Variants in PTGIR observed in about 807,000 individuals in gnomAD.
The protein encoded by PTGIR is prostaglandin I2 receptor, also known as prostacyclin receptor.
A neutral mutation model predicts 17.6 loss-of-function variants in PTGIR; 16 were observed. That is an observed-to-expected ratio of 0.91 (90% CI 0.61 to 1.38). PTGIR has a LOEUF of 1.38. Among genes scored for constraint, PTGIR ranks in the 40% most tolerant of loss-of-function variants. The pLI, the probability that PTGIR is intolerant of heterozygous loss-of-function variation, is 0.00. For synonymous variants in PTGIR, 274 were observed against 255.4 expected (o/e 1.07, Z -0.69); for missense variants, 532 against 548.6 (o/e 0.97, Z 0.30).
At chr19:46,619,527 A>G (rs181822053), downstream of PTGIR, among the ~76,000 whole-genome samples, 175 of 55,408 alleles carry the variant, frequency 3.2e-3, 1 homozygote, top group South Asian at 5.7e-3. Flanking sequence ...GAAAGAAAGA[A>G]AGAAAGAAAG....
downstream of PTGIR, among the ~76,000 whole-genome samples, chr19:46,619,655 AAAGAAAGAAAGAAAGAAAG>A (rs1404073537): frequency 1.5e-3 from 91 of 62,468 alleles, 1 homozygote; most frequent in African/African-American, 5.9e-3. Context: ...GAAAGAAAGA[AAAGAAAGAAAGAAAGAAAG>A]AGGATTTATA....
intron 2 of PTGIR, chr19:46,622,065 G>T: frequency 1.0e-6 from 1 of 985,460 alleles, no homozygotes; most frequent in African/African-American, 1.7e-5. Flanking sequence ...CTCTGAGTCA[G>T]AGTAACCCCC....
At position 46,620,698 on chromosome 19, in the gene PTGIR, C is replaced by G; in HGVS notation, c.*582G>C. ...ACCAAGCACATGTCCTACGTCATCA[C>G]CCACAATGCAGCAGCCTCCCCTTCC... On this transcript the variant is annotated 3_prime_UTR_variant, in exon 3 of 3. Transcript: ENST00000291294. 1.0e-6 allele frequency: 1 copy of G among 985,954 alleles called. No individual in the cohort carries two copies. The highest frequency in any genetic ancestry group is 1.7e-5 in the African/African-American group (1 of 57,354). The allele number at this position is 985,954 out of a possible 1,614,324, so 61.1% of individuals were successfully genotyped here. A position where few individuals can be genotyped will look rare whatever the true frequency, so the allele number is the denominator to read the frequency against.
downstream of PTGIR, among the ~76,000 whole-genome samples, chr19:46,619,794 A>G (rs1972033227): frequency 6.6e-6 from 1 of 152,054 alleles, no homozygotes; most frequent in African/African-American, 2.4e-5. Flanking sequence ...CCTCTCCCCA[A>G]GTGTGGATTT....
At chr19:46,618,145 G>A (rs1341857212), downstream of PTGIR, among the ~76,000 whole-genome samples, 2 of 151,216 alleles carry the variant, frequency 1.3e-5, no homozygotes, top group African/African-American at 4.9e-5. Flanking sequence ...CTCCCGAGTA[G>A]CTGGGACTAC....
At chr19:46,614,980 C>A in the PTGIR span, among the ~76,000 whole-genome samples, 1 of 152,130 alleles carries the variant, frequency 6.6e-6, no homozygotes, top group South Asian at 2.1e-4. Flanking sequence ...TGAGATAGAG[C>A]CACTGCACTC....
downstream of PTGIR, among the ~76,000 whole-genome samples, chr19:46,618,857 T>C (rs183674216): frequency 2.4e-3 from 359 of 152,292 alleles, 2 homozygotes; most frequent in African/African-American, 8.2e-3. Context: ...TGAAACGTGG[T>C]TACCTGGGCA....
chr19:46,611,259 C>T, the PTGIR span, among the ~76,000 whole-genome samples: 1 of 152,174 alleles, frequency 6.6e-6, no homozygotes, highest in African/African-American at 2.4e-5. Context: ...GGAAATCCAG[C>T]GAGACTGGGT....
the PTGIR span, among the ~76,000 whole-genome samples, chr19:46,612,469 C>A: frequency 6.6e-6 from 1 of 152,168 alleles, no homozygotes; most frequent in African/African-American, 2.4e-5. Context: ...TTAAAGCAAC[C>A]ATTTGGGCTG....
chr19:46,617,764 A>C (rs1210372604), downstream of PTGIR, among the ~76,000 whole-genome samples: 1 of 151,372 alleles, frequency 6.6e-6, no homozygotes, highest in Non-Finnish European at 1.5e-5. Context: ...GGGTTGGCCA[A>C]GGTTTGGCCA....
At chr19:46,616,903 C>A (rs1176117161), downstream of PTGIR, among the ~76,000 whole-genome samples, 1 of 152,258 alleles carries the variant, frequency 6.6e-6, no homozygotes, top group Non-Finnish European at 1.5e-5. Flanking sequence ...AGCAGACACA[C>A]GTCCTTGCCA....
At chr19:46,613,205 G>A in the PTGIR span, among the ~76,000 whole-genome samples, 29 of 149,354 alleles carry the variant, frequency 1.9e-4, no homozygotes, top group South Asian at 1.5e-3. Flanking sequence ...CACCATGCCC[G>A]GCTAATTTTT....
chr19:46,619,599 AGAAAG>A (rs763236140), downstream of PTGIR, among the ~76,000 whole-genome samples: 57 of 116,064 alleles, frequency 4.9e-4, no homozygotes, highest in East Asian at 4.4e-3. Context: ...AAGAAAAGAA[AGAAAG>A]GAAAGAAAGA....
At chr19:46,611,161 G>C in the PTGIR span, among the ~76,000 whole-genome samples, 1 of 150,998 alleles carries the variant, frequency 6.6e-6, no homozygotes, top group Non-Finnish European at 1.5e-5. Context: ...TAGCCGGGTA[G>C]GGGAAGGACG....
At chr19:46,616,587 C>T (rs1279024669), downstream of PTGIR, among the ~76,000 whole-genome samples, 3 of 152,100 alleles carry the variant, frequency 2.0e-5, no homozygotes, top group African/African-American at 7.2e-5. Context: ...CTGCATCAGC[C>T]TCCCAAAGTG....
chr19:46,616,515 G>A (rs920081443), downstream of PTGIR, among the ~76,000 whole-genome samples: 13 of 151,678 alleles, frequency 8.6e-5, no homozygotes, highest in African/African-American at 3.2e-4. Context: ...TGTATTTTTA[G>A]TAGAGATGGG....
At chr19:46,619,607 A>AAG (rs1374395338), downstream of PTGIR, among the ~76,000 whole-genome samples, 2 of 107,092 alleles carry the variant, frequency 1.9e-5, no homozygotes, top group Non-Finnish European at 4.0e-5. Flanking sequence ...AAAGAAAGGA[A>AAG]AGAAAGAAAG....
At chr19:46,618,013 A>T (rs1971986844), downstream of PTGIR, among the ~76,000 whole-genome samples, 1 of 123,692 alleles carries the variant, frequency 8.1e-6, no homozygotes, top group African/African-American at 3.4e-5. Flanking sequence ...TAATTTTTGT[A>T]ATTTTTTTTT....
At chr19:46,624,527 T>C in intron 1 of PTGIR, 1 of 283,912 alleles carries the variant, frequency 3.5e-6, no homozygotes, top group Non-Finnish European at 6.5e-6. Flanking sequence ...TGATCTCGGC[T>C]CACTGCAACC....
Sources: allele counts gnomAD v4.1 joint callset (sites outside exome capture counted in the v4.1 genomes callset), GRCh38; gene constraint gnomAD v4.1.1; transcripts MANE v1.5; gene names NCBI Gene and HGNC (gene_info 2026-07-23, HGNC 2026-07-21).